OPCML: variants seen among roughly 807,000 people sequenced by gnomAD.
OPCML encodes the protein opioid binding protein/cell adhesion molecule like.
A neutral mutation model predicts 37.8 loss-of-function variants in OPCML; 13 were observed. The ratio of observed to expected loss-of-function variants is 0.34; its 90% CI spans 0.22 to 0.55. The LOEUF is 0.55. OPCML is among the 20% of genes least tolerant of loss of function. The probability of loss-of-function intolerance (pLI) is 0.91; values close to 1 mark genes in which losing one functional copy is unlikely to be tolerated. For missense variants in OPCML, 341 were observed against 435.6 expected (o/e 0.78, Z 1.93); for synonymous variants, 176 against 168.8 (o/e 1.04, Z -0.33).
Position 132,419,376 on chromosome 11 carries a change from T to C in OPCML, c.*817A>G, listed in dbSNP as rs973279005. 6 of 152,352 alleles carry C rather than the reference T, an allele frequency of 3.9e-5. No individual in the cohort carries two copies. Among genetic ancestry groups the C allele is most frequent in the African/African-American group, 1.4e-4 (6 of 41,578 alleles). 9.4% of individuals were successfully genotyped at this position (152,352 alleles called of 1,614,324 possible). A position where few individuals can be genotyped will look rare whatever the true frequency, so the allele number is the denominator to read the frequency against. On this transcript the variant is annotated 3_prime_UTR_variant, in exon 8 of 8. Coordinates refer to ENST00000524381, the MANE Select transcript of OPCML (RefSeq NM_001012393.5). Reference sequence around the variant, plus strand: ...TTTGAGTAGATGGGTAACTGTACCATTACTTTGATAGATAGCTTGACAAAA... The same window carrying C: ...TTTGAGTAGATGGGTAACTGTACCACTACTTTGATAGATAGCTTGACAAAA...
intron 1 of OPCML, among the ~76,000 whole-genome samples, chr11:133,166,387 A>G (rs1950208382): frequency 6.6e-6 from 1 of 152,238 alleles, no homozygotes; most frequent in Non-Finnish European, 1.5e-5. Flanking sequence ...GAACTGTGAC[A>G]TAAAGATGAG....
intron 2 of OPCML, among the ~76,000 whole-genome samples, chr11:132,928,230 A>G (rs1945066773): frequency 6.6e-6 from 1 of 152,148 alleles, no homozygotes; most frequent in African/African-American, 2.4e-5. Flanking sequence ...TGCTGTGTCC[A>G]AGAGACCCAG....
intron 1 of OPCML, among the ~76,000 whole-genome samples, chr11:133,010,862 GA>G (rs1458902425): frequency 1.3e-5 from 2 of 152,316 alleles, no homozygotes; most frequent in East Asian, 3.9e-4. Flanking sequence ...AATAGAAGAT[GA>G]GGAACATGAA....
At chr11:133,283,156 G>C (rs951400274) in intron 1 of OPCML, among the ~76,000 whole-genome samples, 4 of 152,006 alleles carry the variant, frequency 2.6e-5, no homozygotes, top group African/African-American at 9.7e-5. Context: ...GTAGGGAAGG[G>C]GCAGAATAAT....
intron 2 of OPCML, among the ~76,000 whole-genome samples, chr11:132,841,203 G>C (rs1941271012): frequency 6.6e-6 from 1 of 152,142 alleles, no homozygotes; most frequent in Admixed American, 6.5e-5. Flanking sequence ...TAGGGTGAGA[G>C]TACTCCCCAC....
intron 1 of OPCML, chr11:133,005,227 G>C: frequency 1.0e-6 from 1 of 985,382 alleles, no homozygotes. Flanking sequence ...TTCCTGGGGA[G>C]AGACGATTTT....
intron 4 of OPCML, among the ~76,000 whole-genome samples, chr11:132,444,309 A>T (rs2096046972): frequency 6.6e-6 from 1 of 152,212 alleles, no homozygotes; most frequent in Non-Finnish European, 1.5e-5. Flanking sequence ...TGTGAGGGTT[A>T]TGAATAGGAC....
chr11:132,668,468 T>C (rs765270439), intron 2 of OPCML, among the ~76,000 whole-genome samples: 6 of 152,206 alleles, frequency 3.9e-5, no homozygotes, highest in Non-Finnish European at 8.8e-5. Flanking sequence ...GGGATGAACG[T>C]ATTTTCCTCA....
rs1389556239 is a variant in OPCML, at chr11:133,206,882, G to A, written c.62-263872C>T. Among the ~76,000 whole-genome samples the A allele has an allele frequency of 2.0e-5, 3 of 152,188 alleles. No homozygotes were observed. Among genetic ancestry groups the A allele is most frequent in the Non-Finnish European group, 4.4e-5 (3 of 68,028 alleles). On this transcript the variant is annotated intron_variant, in intron 1 of 7. Transcript: ENST00000524381. The surrounding 1 kb of genome is among the most constrained non-coding windows in gnomAD (Gnocchi z 4.7). ...CCTATTCATGTCTTAGGACGGGTAG[G>A]TGGAGGGAGCCTGGGATCACCAATG... is the stretch of plus-strand genomic sequence containing the variant.
chr11:132,887,703 T>C (rs1172004156), intron 2 of OPCML, among the ~76,000 whole-genome samples: 1 of 152,218 alleles, frequency 6.6e-6, no homozygotes, highest in African/African-American at 2.4e-5. Context: ...GATTGAAATA[T>C]GAGAGAAACA....
At chr11:132,536,419 T>C (rs1293490174) in intron 3 of OPCML, among the ~76,000 whole-genome samples, 1 of 152,222 alleles carries the variant, frequency 6.6e-6, no homozygotes, top group Non-Finnish European at 1.5e-5. Flanking sequence ...CAGCTTCCTC[T>C]ACTGTGAAAT....
At chr11:133,391,310 C>A (rs1164786872) in intron 1 of OPCML, among the ~76,000 whole-genome samples, 3 of 152,098 alleles carry the variant, frequency 2.0e-5, no homozygotes, top group Non-Finnish European at 4.4e-5. Flanking sequence ...TGGGGAGGGC[C>A]GCCTGTCCCT....
At chr11:132,550,964 C>T (rs1019681167) in intron 3 of OPCML, among the ~76,000 whole-genome samples, 2 of 152,206 alleles carry the variant, frequency 1.3e-5, no homozygotes, top group Non-Finnish European at 2.9e-5. Context: ...GGAGGAACTC[C>T]TGGGCTATCA....
intron 4 of OPCML, among the ~76,000 whole-genome samples, chr11:132,525,359 T>C (rs550310090): frequency 2.0e-5 from 3 of 152,358 alleles, no homozygotes; most frequent in African/African-American, 7.2e-5. Flanking sequence ...AAAATATTTT[T>C]CTTAAATGAA....
At position 132,746,293 on chromosome 11, in the gene OPCML, T is replaced by A. The variant is rs1945632799; in HGVS notation, c.147-88974A>T. 2.1e-5 allele frequency among the ~76,000 whole-genome samples: 3 copies of A among 145,650 alleles called. No individual in the cohort carries two copies. The South Asian group carries it at 6.3e-4, about 30-fold the overall frequency. On this transcript the variant is annotated intron_variant, in intron 2 of 7. Coordinates refer to ENST00000524381, the MANE Select transcript of OPCML (RefSeq NM_001012393.5). ...GACCTCTGGTTATTTTTGTTTTTAT[T>A]TTGTTTGTTTGTTTGTTGTTTGTTT...
chr11:132,585,293 G>GA (rs370034362), intron 3 of OPCML, among the ~76,000 whole-genome samples: 4,167 of 151,128 alleles, frequency 0.028, 208 homozygotes, highest in African/African-American at 0.096. Flanking sequence ...ACAGACAACA[G>GA]AAAAAAAATA....
chr11:132,742,613 G>C (rs1945467777), intron 2 of OPCML, among the ~76,000 whole-genome samples: 1 of 151,796 alleles, frequency 6.6e-6, no homozygotes, highest in South Asian at 2.1e-4. Context: ...GGTATTTTTG[G>C]TATAGCGCTC....
chr11:133,141,275 T>C (rs1047355419), intron 1 of OPCML, among the ~76,000 whole-genome samples: 1 of 151,946 alleles, frequency 6.6e-6, no homozygotes, highest in African/African-American at 2.4e-5. Context: ...ACATCCTTAC[T>C]CTTGTTTCCA....
intron 1 of OPCML, among the ~76,000 whole-genome samples, chr11:133,383,978 G>T (rs1358968356): frequency 6.6e-6 from 1 of 151,984 alleles, no homozygotes; most frequent in Non-Finnish European, 1.5e-5. Flanking sequence ...CGCACAGAGG[G>T]ACATCCCGGC....
Sources: allele counts gnomAD v4.1 joint callset (sites outside exome capture counted in the v4.1 genomes callset), GRCh38; gene constraint gnomAD v4.1.1; non-coding constraint Gnocchi (gnomAD v3.1); transcripts MANE v1.5; gene names NCBI Gene and HGNC (gene_info 2026-07-23, HGNC 2026-07-21).